Variants in LDLRAP1 observed in about 807,000 individuals in gnomAD.
LDLRAP1 encodes low density lipoprotein receptor adapter protein 1.
LDLRAP1 carries 30 observed loss-of-function variants against 37.8 expected under a neutral mutation model. That is an observed-to-expected ratio of 0.79 (90% CI 0.59 to 1.08). LDLRAP1 has a LOEUF of 1.08. Ranked by LOEUF, LDLRAP1 falls within the 50% of genes least tolerant of loss-of-function variation. LDLRAP1 has a pLI of 0.00. For synonymous variants in LDLRAP1, 156 were observed against 169.8 expected (o/e 0.92, Z 0.63); for missense variants, 375 against 401.6 (o/e 0.93, Z 0.57).
chr1:25,557,877 AT>A lies in LDLRAP1; in HGVS notation c.459+619del, dbSNP rs1397621153. Among the ~76,000 whole-genome samples the A allele has an allele frequency of 2.5e-3, 304 of 119,324 alleles. 1 individual carries two copies. Among genetic ancestry groups the A allele is most frequent in the Middle Eastern group, 0.021 (5 of 242 alleles). The allele number at this position is 119,324 out of a possible 152,430, so 78.3% of individuals were successfully genotyped here. On this transcript the variant is annotated intron_variant, in intron 4 of 8. Transcript: ENST00000374338. ...CAAGGTGGCAACTGTTACTCTCTCC[AT>A]TTTTTTTTCTTCTTTTTTTTAAAGT... is the stretch of plus-strand genomic sequence containing the variant.
In LDLRAP1 at chr1:25,544,412, G is replaced by A. The variant is rs577370965; in HGVS notation, c.88+626G>A. On this transcript the variant is annotated intron_variant, in intron 1 of 8. Coordinates refer to ENST00000374338, the MANE Select transcript of LDLRAP1 (RefSeq NM_015627.3). The surrounding 1 kb of genome is among the most constrained non-coding windows in gnomAD (Gnocchi z 4.8). The stretch of plus-strand genomic sequence containing the variant: ...GGAGAGCCCCACATCAGGCGATCTA[G>A]ACCCTTACGTCCCTTCCTCTAGCCG... Among the ~76,000 whole-genome samples the A allele has an allele frequency of 7.6e-4, 116 of 152,334 alleles. 1 individual carries two copies. Among genetic ancestry groups the A allele is most frequent in the African/African-American group, 2.6e-3 (110 of 41,580 alleles).
intron 1 of LDLRAP1, among the ~76,000 whole-genome samples, chr1:25,547,979 C>T (rs1190274954): frequency 6.6e-6 from 1 of 152,212 alleles, no homozygotes; most frequent in Non-Finnish European, 1.5e-5. Context: ...CAGAGGTCAC[C>T]CACTGCCCAC....
chr1:25,567,030 G>T lies in LDLRAP1; in HGVS notation c.*38G>T. The T allele has an allele frequency of 6.2e-7, 1 of 1,612,546 alleles. No homozygotes were observed. Among genetic ancestry groups the T allele is most frequent in the Non-Finnish European group, 8.5e-7 (1 of 1,179,768 alleles). On this transcript the variant is annotated 3_prime_UTR_variant, in exon 9 of 9. Transcript: ENST00000374338. ...AGCCGGACACAAGCGGCCCTGACACGTGATGGACCAAAGCCACCTGCTGCG... is the reference window on the plus strand; with the variant it reads ...AGCCGGACACAAGCGGCCCTGACACTTGATGGACCAAAGCCACCTGCTGCG...
At chr1:25,546,409 C>G (rs368479948) in intron 1 of LDLRAP1, among the ~76,000 whole-genome samples, 1 of 152,206 alleles carries the variant, frequency 6.6e-6, no homozygotes, top group African/African-American at 2.4e-5. Context: ...AGCCAGCACC[C>G]CAGGCTTCTT....
At chr1:25,580,908 G>A in the LDLRAP1 span, among the ~76,000 whole-genome samples, 1 of 152,124 alleles carries the variant, frequency 6.6e-6, no homozygotes, top group African/African-American at 2.4e-5. Context: ...CCAGGCTTTG[G>A]GGTACTGTGA....
chr1:25,567,106 G>T lies in LDLRAP1; in HGVS notation c.*114G>T. The stretch of plus-strand genomic sequence containing the variant: ...GCCACCTCTCCCAGCCCTCAGCATT[G>T]TCAGCCTGAAGATCAGAGCTGCAGC... On this transcript the variant is annotated 3_prime_UTR_variant, in exon 9 of 9. Transcript: ENST00000374338. 1 of 1,337,722 alleles carries T rather than the reference G, an allele frequency of 7.5e-7. No individual in the cohort carries two copies. 82.9% of individuals were successfully genotyped at this position (1,337,722 alleles called of 1,614,324 possible). A position where few individuals can be genotyped will look rare whatever the true frequency, so the allele number is the denominator to read the frequency against.
chr1:25,563,155 TGA>T lies in LDLRAP1; in HGVS notation c.616+4_616+5del. ...ACTGCACCCCCTCCTTGAAGAGCTG[TGA>T]GTCCTGACGGGGAAGGGGGATTGGC... On this transcript the variant is annotated splice_donor_region_variant and intron_variant, in intron 6 of 8. Transcript: ENST00000374338. The T allele has an allele frequency of 6.2e-7, 1 of 1,613,596 alleles. No homozygotes were observed. The highest frequency in any genetic ancestry group is 8.5e-7 in the Non-Finnish European group (1 of 1,179,646).
downstream of LDLRAP1, among the ~76,000 whole-genome samples, chr1:25,570,683 C>T (rs1273471261): frequency 2.6e-5 from 4 of 152,082 alleles, no homozygotes. Context: ...CACGGTGAAA[C>T]CCCGTCTCTA....
chr1:25,563,225 C>G, intron 6 of LDLRAP1, 72 bp downstream of exon 6: 1 of 1,294,382 alleles, frequency 7.7e-7, no homozygotes, highest in Non-Finnish European at 1.1e-6. Context: ...GGGTCCCACT[C>G]CTGCCTGGGC....
In LDLRAP1 at chr1:25,557,302, A is replaced by G. The variant is rs746038306; in HGVS notation, c.459+35A>G. On this transcript the variant is annotated intron_variant, in intron 4 of 8. Coordinates refer to ENST00000374338, the MANE Select transcript of LDLRAP1 (RefSeq NM_015627.3). ...GAGGGCTGGGGCGGGGACAGGGTCC[A>G]GTGGCCTTGGCAGCCTTGCTCTGGG... is the stretch of plus-strand genomic sequence containing the variant. 12 of 1,553,132 alleles carry G rather than the reference A, an allele frequency of 7.7e-6. No individual in the cohort carries two copies. In the East Asian group the frequency reaches 2.5e-4, roughly 32 times the overall value.
At chr1:25,576,055 C>CATGG in the LDLRAP1 span, among the ~76,000 whole-genome samples, 7 of 151,264 alleles carry the variant, frequency 4.6e-5, no homozygotes, top group Admixed American at 3.9e-4. Flanking sequence ...ATGGTGAAAC[C>CATGG]CCATCTCTAT....
At chr1:25,565,371 G>C (rs2044451265) in intron 8 of LDLRAP1, among the ~76,000 whole-genome samples, 164 bp downstream of exon 8, 1 of 152,184 alleles carries the variant, frequency 6.6e-6, no homozygotes, top group Non-Finnish European at 1.5e-5. Flanking sequence ...GGGGCAGGGA[G>C]CTCACTGGGG....
Position 25,557,205 on chromosome 1 carries a change from G to T in LDLRAP1, c.397G>T (p.Ala133Ser). ...GCACGACAAGGTGTTTGCATACATC[G>T]CCCAGAGCCAGCACAACCAGAGCCT... Reference protein sequence around the residue: ...KMHDKVFAYIAQSQHNQSLEC... With the variant: ...KMHDKVFAYISQSQHNQSLEC... Residue 133 changes from alanine to serine, a missense_variant, in exon 4 of 9, where the codon GCC becomes TCC. Coordinates refer to ENST00000374338, the MANE Select transcript of LDLRAP1 (RefSeq NM_015627.3). The T allele has an allele frequency of 4.3e-6, 7 of 1,614,110 alleles. No homozygotes were observed. Among genetic ancestry groups the T allele is most frequent in the East Asian group, 4.5e-5 (2 of 44,874 alleles).
intron 6 of LDLRAP1, among the ~76,000 whole-genome samples, chr1:25,563,371 C>T (rs2044392838): frequency 6.6e-6 from 1 of 152,178 alleles, no homozygotes; most frequent in African/African-American, 2.4e-5. Context: ...TGTCCCTATG[C>T]AAATATATAA....
chr1:25,566,920 G>A lies in LDLRAP1; in HGVS notation c.855G>A (p.Gln285=). ...CAGCCCAGGACATGCATTACGCCCA[G>A]TGCCTCTCGCCTGTCGACTGGGACA... ...GLTAQDMHYA[Q]CLSPVDWDKP... is the part of the protein sequence containing the mutation. Residue 285 remains glutamine, a synonymous_variant, in exon 9 of 9, where the codon CAG becomes CAA. Transcript: ENST00000374338. 6.2e-7 allele frequency: 1 copy of A among 1,613,574 alleles called. No homozygotes were observed. Among genetic ancestry groups the A allele is most frequent in the Non-Finnish European group, 8.5e-7 (1 of 1,179,986 alleles).
chr1:25,556,940 T>C (rs1280792183), intron 3 of LDLRAP1, among the ~76,000 whole-genome samples: 1 of 152,184 alleles, frequency 6.6e-6, no homozygotes, highest in Middle Eastern at 3.2e-3. Context: ...TTCCAGTCTT[T>C]ACCCCATTCC....
chr1:25,560,664 G>A (rs972573668), intron 4 of LDLRAP1, among the ~76,000 whole-genome samples: 4 of 152,256 alleles, frequency 2.6e-5, no homozygotes, highest in Non-Finnish European at 4.4e-5. Context: ...GGGGCAGCAG[G>A]GCTGCTGGGG....
At chr1:25,585,389 G>C in the LDLRAP1 span, among the ~76,000 whole-genome samples, 1 of 150,902 alleles carries the variant, frequency 6.6e-6, no homozygotes, top group Non-Finnish European at 1.5e-5. Flanking sequence ...GCAGTGGCAC[G>C]ACCTCGGCTC....
In LDLRAP1 at chr1:25,562,656, A is replaced by C; in HGVS notation, c.472A>C (p.Thr158Pro). The C allele has an allele frequency of 6.2e-7, 1 of 1,614,046 alleles. No homozygotes were observed. Among genetic ancestry groups the C allele is most frequent in the Non-Finnish European group, 8.5e-7 (1 of 1,179,954 alleles). Residue 158 changes from threonine (T) to proline (P), a missense_variant, in exon 5 of 9, where the codon ACC becomes CCC. Thr to Pro is a conservative substitution (Grantham distance 38). Transcript: ENST00000374338. ...TTCCTGTTTTCAGGCACAGGCTGTT[A>C]CCCTCACCGTAGCCCAGGCCTTCAA... ...CTKRKMAQAV[T>P]LTVAQAFKVA...
Sources: gnomAD v4.1 joint callset for allele counts (sites outside exome capture counted in the v4.1 genomes callset) on GRCh38, gnomAD v4.1.1 for gene constraint, Gnocchi (gnomAD v3.1) non-coding constraint, MANE v1.5 for transcripts, NCBI Gene and HGNC (gene_info 2026-07-23, HGNC 2026-07-21) for gene names.